The following GNAO1 variants were observed in gnomAD, a reference collection of about 807,000 sequenced individuals.
GNAO1 encodes the protein guanine nucleotide-binding protein G(o) subunit alpha.
For synonymous variants in GNAO1, 164 were observed against 180.7 expected (o/e 0.91, Z 0.74); for missense variants, 166 against 478.7 (o/e 0.35, Z 6.10).
intron 3 of GNAO1, among the ~76,000 whole-genome samples, chr16:56,312,283 C>G (rs1207892681): frequency 6.6e-6 from 1 of 152,228 alleles, no homozygotes; most frequent in African/African-American, 2.4e-5. Context: ...CCCATCTGAT[C>G]TTCGGTTTGT....
At chr16:56,297,271 AC>A (rs2037295993) in intron 3 of GNAO1, among the ~76,000 whole-genome samples, 1 of 152,140 alleles carries the variant, frequency 6.6e-6, no homozygotes, top group Non-Finnish European at 1.5e-5. Context: ...AGCTCACAGA[AC>A]ACTCACGCCC....
intron 2 of GNAO1, among the ~76,000 whole-genome samples, chr16:56,274,327 T>C (rs1225268303): frequency 6.6e-6 from 1 of 152,230 alleles, no homozygotes; most frequent in Non-Finnish European, 1.5e-5. Context: ...CTTTGAGATC[T>C]CTCTGGGGTG....
chr16:56,344,086 G>A, intron 6 of GNAO1: 1 of 1,471,024 alleles, frequency 6.8e-7, no homozygotes, highest in Non-Finnish European at 9.0e-7. Flanking sequence ...AAGGGAGGGA[G>A]GAGGGAGCAT....
intron 3 of GNAO1, among the ~76,000 whole-genome samples, chr16:56,287,725 T>C (rs993297688): frequency 6.6e-6 from 1 of 152,216 alleles, no homozygotes; most frequent in Non-Finnish European, 1.5e-5. Context: ...CTGTCCCTTC[T>C]GATTTCAGGC....
intron 2 of GNAO1, among the ~76,000 whole-genome samples, chr16:56,222,736 CA>C (rs1236682829): frequency 6.6e-6 from 1 of 152,124 alleles, no homozygotes; most frequent in African/African-American, 2.4e-5. Flanking sequence ...AGGAAAAACC[CA>C]GGGGCGACAG....
intron 2 of GNAO1, chr16:56,270,630 T>G (rs1446096553): frequency 2.6e-5 from 4 of 152,160 alleles, no homozygotes; most frequent in African/African-American, 9.7e-5. Context: ...ATGTGGTGCT[T>G]TAATTTTAAA....
chr16:56,255,021 T>C (rs1462265846), intron 2 of GNAO1, among the ~76,000 whole-genome samples: 1 of 152,244 alleles, frequency 6.6e-6, no homozygotes, highest in Non-Finnish European at 1.5e-5. Context: ...CTGTCCCTAC[T>C]TAAGATGAGA....
chr16:56,276,183 A>G (rs1191225838), intron 3 of GNAO1, 111 bp downstream of exon 3: 2 of 921,618 alleles, frequency 2.2e-6, no homozygotes, highest in Admixed American at 5.4e-5. Context: ...AGACTCCGCT[A>G]TGTTTGAAAG....
chr16:56,345,357 T>C, intron 6 of GNAO1: 1 of 985,442 alleles, frequency 1.0e-6, no homozygotes, highest in Non-Finnish European at 1.2e-6. Flanking sequence ...AGCCCTCTGT[T>C]CTCCCTGCCC....
chr16:56,334,181 C>A (rs911644913), intron 4 of GNAO1, among the ~76,000 whole-genome samples: 3 of 152,174 alleles, frequency 2.0e-5, no homozygotes, highest in Non-Finnish European at 4.4e-5. Context: ...GCACACAGAC[C>A]CCTTGGTAAG....
chr16:56,221,315 AC>A (rs2036484988), intron 2 of GNAO1, among the ~76,000 whole-genome samples: 1 of 152,088 alleles, frequency 6.6e-6, no homozygotes, highest in South Asian at 2.1e-4. Context: ...CAGTCTGGGG[AC>A]CCACCACACC....
intron 2 of GNAO1, among the ~76,000 whole-genome samples, chr16:56,244,090 C>T (rs759173017): frequency 2.0e-4 from 30 of 152,208 alleles, no homozygotes; most frequent in Non-Finnish European, 3.5e-4. Context: ...CCAGACCCCA[C>T]TCTTGGCCAC....
At chr16:56,348,616 C>G (rs2037894906) in intron 6 of GNAO1, among the ~76,000 whole-genome samples, 1 of 152,232 alleles carries the variant, frequency 6.6e-6, no homozygotes, top group Non-Finnish European at 1.5e-5. Context: ...GGTGGTATCT[C>G]TTCTTTGAAT....
intron 6 of GNAO1, chr16:56,347,425 T>C (rs537485644): frequency 1.0e-6 from 1 of 985,610 alleles, no homozygotes; most frequent in Admixed American, 6.1e-5. Context: ...GTGGGGTCTG[T>C]GGTAGGGCTC....
At chr16:56,198,357 C>T (rs2036252206) in intron 2 of GNAO1, among the ~76,000 whole-genome samples, 1 of 152,174 alleles carries the variant, frequency 6.6e-6, no homozygotes, top group African/African-American at 2.4e-5. Flanking sequence ...AGGAAGCTGT[C>T]CAACAGATCT....
chr16:56,218,468 A>T (rs2036455277), intron 2 of GNAO1, among the ~76,000 whole-genome samples: 1 of 152,136 alleles, frequency 6.6e-6, no homozygotes, highest in Non-Finnish European at 1.5e-5. Context: ...CGGCAGATAA[A>T]ATGAGAGATG....
chr16:56,270,764 A>G (rs1190205482), intron 2 of GNAO1: 1 of 152,196 alleles, frequency 6.6e-6, no homozygotes, highest in Non-Finnish European at 1.5e-5. Context: ...CCCAAATCAA[A>G]TTAGCTTATT....
Position 56,355,057 on chromosome 16 carries a change from C to T in GNAO1, c.*4C>T. ...CCGGGGCTGCGGCTTGTACTGACCT[C>T]TTGTCCTGTATAGCAACCTATTTGG... On this transcript the variant is annotated 3_prime_UTR_variant, in exon 8 of 9. Coordinates refer to ENST00000262493, the MANE Select transcript of GNAO1 (RefSeq NM_020988.3). 2 of 1,605,672 alleles carry T rather than the reference C, an allele frequency of 1.2e-6. No homozygotes were observed. Among genetic ancestry groups the T allele is most frequent in the Non-Finnish European group, 1.7e-6 (2 of 1,173,686 alleles).
intron 2 of GNAO1, among the ~76,000 whole-genome samples, chr16:56,224,705 T>A (rs2036519445): frequency 6.6e-6 from 1 of 152,194 alleles, no homozygotes; most frequent in Non-Finnish European, 1.5e-5. Context: ...AGTCTCGAAC[T>A]CCTGACCTCA....
Sources: gnomAD v4.1 joint callset for allele counts (sites outside exome capture counted in the v4.1 genomes callset) on GRCh38, gnomAD v4.1.1 for gene constraint, MANE v1.5 for transcripts, NCBI Gene and HGNC (gene_info 2026-07-23, HGNC 2026-07-21) for gene names.